CDH7: variants seen among roughly 807,000 people sequenced by gnomAD.
The protein encoded by CDH7 is cadherin-7.
In CDH7, 25 loss-of-function variants were observed where a neutral mutation model predicts 71.8. That is an observed-to-expected ratio of 0.35 (90% CI 0.25 to 0.49). CDH7 has a LOEUF of 0.49. Ranked by LOEUF, CDH7 falls within the 20% of genes least tolerant of loss-of-function variation. The pLI is 0.99. For synonymous variants in CDH7, 381 were observed against 363.8 expected, an observed-to-expected ratio of 1.05 and a Z score of -0.54; for missense variants, 862 against 974.6, an observed-to-expected ratio of 0.88 and a Z score of 1.54.
At chr18:65,841,378 G>A (rs538313982) in intron 6 of CDH7, among the ~76,000 whole-genome samples, 4 of 152,174 alleles carry the variant, frequency 2.6e-5, no homozygotes, top group African/African-American at 9.6e-5. Context: ...GAAATACTTG[G>A]TATGCCTTTT....
At chr18:65,840,917 TTAG>T (rs911144598) in intron 6 of CDH7, among the ~76,000 whole-genome samples, 62 of 152,262 alleles carry the variant, frequency 4.1e-4, no homozygotes, top group African/African-American at 1.5e-3. Flanking sequence ...AAGTATAATC[TTAG>T]TAATTAATTC....
Position 65,824,845 on chromosome 18 carries a change from T to A in CDH7, c.981+14T>A. ...ACTATACAGAAGGTAATGTTTTCTT[T>A]ATTTATCTTTTATCACAGATTACTG... On this transcript the variant is annotated intron_variant, in intron 6 of 11. Transcript: ENST00000397968. 6.5e-7 allele frequency: 1 copy of A among 1,547,332 alleles called. No individual in the cohort carries two copies. The highest frequency in any genetic ancestry group is 1.4e-5 in the African/African-American group (1 of 72,714).
intron 6 of CDH7, among the ~76,000 whole-genome samples, chr18:65,841,843 C>T (rs1350458092): frequency 6.6e-6 from 1 of 152,016 alleles, no homozygotes; most frequent in Non-Finnish European, 1.5e-5. Context: ...TTCTCATTCT[C>T]ACCTTTTTTT....
At chr18:65,758,705 A>G (rs891992645) in intron 1 of CDH7, among the ~76,000 whole-genome samples, 1 of 152,258 alleles carries the variant, frequency 6.6e-6, no homozygotes, top group East Asian at 1.9e-4. Flanking sequence ...GCAGAGAAAT[A>G]TAATGGAATT....
intron 10 of CDH7, among the ~76,000 whole-genome samples, chr18:65,861,024 G>A (rs188551254): frequency 6.6e-6 from 1 of 152,148 alleles, no homozygotes; most frequent in Non-Finnish European, 1.5e-5. Flanking sequence ...GTGCAGAGAA[G>A]GGAATTTATG....
chr18:65,808,157 C>T (rs1397531073), intron 2 of CDH7, among the ~76,000 whole-genome samples: 1 of 152,158 alleles, frequency 6.6e-6, no homozygotes, highest in East Asian at 1.9e-4. Context: ...TAATGTTCTA[C>T]CCATGTAACA....
In CDH7 at chr18:65,880,696, T is replaced by C. The variant is rs1471406049; in HGVS notation, c.2160T>C (p.Val720=). ...GGGAAAGATTAAAAGAAGCCGATGT[T>C]GATCCTGGTGCTCCTCCTTATGACT... The part of the protein sequence containing the change: ...FIWERLKEAD[V]DPGAPPYDSL... Residue 720 remains valine (V), a synonymous_variant, in exon 12 of 12, where the codon GTT becomes GTC. Coordinates refer to ENST00000397968, the MANE Select transcript of CDH7 (RefSeq NM_004361.5). The C allele has an allele frequency of 1.2e-6, 2 of 1,614,166 alleles. No individual in the cohort carries two copies. Among genetic ancestry groups the C allele is most frequent in the Non-Finnish European group, 1.7e-6 (2 of 1,180,004 alleles).
chr18:65,850,813 C>CTT lies in CDH7; in HGVS notation c.1235+6763_1235+6764dup, dbSNP rs370158021. Among the ~76,000 whole-genome samples the CTT allele has an allele frequency of 2.0e-4, 27 of 137,822 alleles. 1 individual carries two copies. The highest frequency in any genetic ancestry group is 6.4e-4 in the African/African-American group (24 of 37,588). 90.4% of individuals were successfully genotyped at this position (137,822 alleles called of 152,430 possible). ...CAGAAATCAATAGTTCATTTTTATT[C>CTT]TTTTTTTTTTTTTTTTGAGACAGGT... On this transcript the variant is annotated intron_variant, in intron 7 of 11. Coordinates refer to ENST00000397968, the MANE Select transcript of CDH7 (RefSeq NM_004361.5).
chr18:65,876,005 C>T (rs780019687), intron 11 of CDH7, among the ~76,000 whole-genome samples: 1 of 152,206 alleles, frequency 6.6e-6, no homozygotes, highest in African/African-American at 2.4e-5. Flanking sequence ...TAAAATAGTT[C>T]GCAGTAGGGT....
intron 2 of CDH7, among the ~76,000 whole-genome samples, chr18:65,796,531 A>T (rs1310859347): frequency 6.6e-6 from 1 of 152,152 alleles, no homozygotes; most frequent in Admixed American, 6.5e-5. Context: ...TGTGTTAATT[A>T]TTGTAGTTTA....
chr18:65,812,643 C>T (rs1911583771), intron 3 of CDH7, among the ~76,000 whole-genome samples: 1 of 151,992 alleles, frequency 6.6e-6, no homozygotes, highest in Non-Finnish European at 1.5e-5. Context: ...TATTTATTGC[C>T]AGAAGAACAT....
intron 4 of CDH7, among the ~76,000 whole-genome samples, chr18:65,820,584 C>T (rs752577688): frequency 2.0e-5 from 3 of 152,048 alleles, no homozygotes; most frequent in Admixed American, 1.3e-4. Flanking sequence ...CAACTTTTCC[C>T]AATTATATTA....
chr18:65,806,843 A>G lies in CDH7; in HGVS notation c.211-2861A>G, dbSNP rs75962198. Reference sequence around the variant, plus strand: ...TTTCACTCCACCTGTTAGGATTAGTATAATGCACAAAGTCTCACAGATTAA... The same window carrying G: ...TTTCACTCCACCTGTTAGGATTAGTGTAATGCACAAAGTCTCACAGATTAA... On this transcript the variant is annotated intron_variant, in intron 2 of 11. Transcript: ENST00000397968. 8.6e-3 allele frequency among the ~76,000 whole-genome samples: 1,310 copies of G among 152,318 alleles called. 14 individuals carry two copies. Among genetic ancestry groups the G allele is most frequent in the African/African-American group, 0.03 (1,231 of 41,574 alleles).
At chr18:65,750,452 G>A (rs891680673), upstream of CDH7, 14 of 152,332 alleles carry the variant, frequency 9.2e-5, no homozygotes, top group African/African-American at 3.1e-4. Flanking sequence ...AGATGCAAAT[G>A]CCTCACGGAG....
chr18:65,762,753 G>T lies in CDH7; in HGVS notation c.-90G>T. On this transcript the variant is annotated 5_prime_UTR_variant, in exon 2 of 12. Transcript: ENST00000397968. The stretch of plus-strand genomic sequence containing the variant: ...CTGGACTCCCAGCTGACACCCTGCC[G>T]GAGGCAAGAGCTACTAAGCCAACTG... 9.7e-7 allele frequency: 1 copy of T among 1,034,638 alleles called. No individual in the cohort carries two copies. The highest frequency in any genetic ancestry group is 1.4e-6 in the Non-Finnish European group (1 of 715,112). 64.1% of individuals were successfully genotyped at this position (1,034,638 alleles called of 1,614,324 possible).
intron 4 of CDH7, among the ~76,000 whole-genome samples, chr18:65,816,844 T>C (rs890858251): frequency 3.9e-5 from 6 of 152,186 alleles, no homozygotes; most frequent in African/African-American, 1.4e-4. Flanking sequence ...CACCACCTAA[T>C]TTCATAATGT....
chr18:65,794,517 C>T (rs9961566), intron 2 of CDH7, among the ~76,000 whole-genome samples: 12,420 of 150,918 alleles, frequency 0.082, 1,577 homozygotes, highest in African/African-American at 0.28. Flanking sequence ...GAAAGGAGGT[C>T]ATTGAGCTGT....
chr18:65,872,321 A>C (rs955237232), intron 11 of CDH7, among the ~76,000 whole-genome samples: 10 of 152,192 alleles, frequency 6.6e-5, no homozygotes, highest in Non-Finnish European at 1.5e-4. Flanking sequence ...GTTTGAGAGC[A>C]GTCAGGATAT....
At position 65,888,361 on chromosome 18, in the gene CDH7, A is replaced by T. The variant is rs1229636733; in HGVS notation, c.*7467A>T. 2 of 152,152 alleles carry T rather than the reference A, an allele frequency of 1.3e-5. No homozygotes were observed. The highest frequency in any genetic ancestry group is 2.9e-5 in the Non-Finnish European group (2 of 68,026). 9.4% of individuals were successfully genotyped at this position (152,152 alleles called of 1,614,324 possible). A position where few individuals can be genotyped will look rare whatever the true frequency, so the allele number is the denominator to read the frequency against. ...AAAAAATAAGAAAAAATTATCACAG[A>T]GTAAGATACATAGAAGAAAATAATT... On this transcript the variant is annotated 3_prime_UTR_variant, in exon 12 of 12. Coordinates refer to ENST00000397968, the MANE Select transcript of CDH7 (RefSeq NM_004361.5).
Sources: gnomAD v4.1 joint callset for allele counts (sites outside exome capture counted in the v4.1 genomes callset) on GRCh38, gnomAD v4.1.1 for gene constraint, MANE v1.5 for transcripts, NCBI Gene and HGNC (gene_info 2026-07-23, HGNC 2026-07-21) for gene names.